Variants in ZEB1 observed in about 807,000 individuals in gnomAD.
The protein encoded by ZEB1 is zinc finger E-box binding homeobox 1, also known as zinc finger E-box-binding homeobox 1.
ZEB1 carries 21 observed loss-of-function variants against 84.9 expected under a neutral mutation model. The observed-to-expected ratio is 0.25, with a 90% CI of 0.18 to 0.36. The LOEUF (loss-of-function observed/expected upper bound fraction) is 0.36, where lower values mean the gene tolerates loss of function less well. ZEB1 is among the 10% of genes least tolerant of loss of function. ZEB1 has a pLI of 1.00. For missense variants in ZEB1, 1,104 were observed against 1,330.2 expected (o/e 0.83, Z 2.65); for synonymous variants, 420 against 471.1 (o/e 0.89, Z 1.41).
intron 1 of ZEB1, among the ~76,000 whole-genome samples, chr10:31,400,126 C>G (rs1023086991): frequency 9.2e-5 from 14 of 152,110 alleles, no homozygotes; most frequent in Non-Finnish European, 1.6e-4. Flanking sequence ...ATCTACCATC[C>G]CATATATTTT....
intron 1 of ZEB1, among the ~76,000 whole-genome samples, chr10:31,417,624 A>G (rs2055441835): frequency 6.6e-6 from 1 of 152,160 alleles, no homozygotes; most frequent in East Asian, 1.9e-4. Flanking sequence ...AATGCTGGTT[A>G]ATAGAAGTTT....
chr10:31,422,619 A>T (rs2056355200), intron 1 of ZEB1, among the ~76,000 whole-genome samples: 1 of 152,162 alleles, frequency 6.6e-6, no homozygotes, highest in Non-Finnish European at 1.5e-5. Flanking sequence ...TAGCTTTCAT[A>T]TCAGAAATGT....
intron 1 of ZEB1, among the ~76,000 whole-genome samples, chr10:31,376,097 G>T (rs1175136787): frequency 6.6e-6 from 1 of 151,716 alleles, no homozygotes; most frequent in Non-Finnish European, 1.5e-5. Flanking sequence ...TTAACAGATA[G>T]AATAGCAAAT....
intron 1 of ZEB1, among the ~76,000 whole-genome samples, chr10:31,409,203 T>C (rs1353046661): frequency 9.9e-5 from 15 of 152,096 alleles, no homozygotes; most frequent in East Asian, 5.8e-4. Context: ...GAGATACCAT[T>C]TCACACCAGT....
intron 3 of ZEB1, among the ~76,000 whole-genome samples, chr10:31,498,252 A>G (rs976161647): frequency 2.6e-5 from 4 of 152,066 alleles, no homozygotes; most frequent in Non-Finnish European, 4.4e-5. Flanking sequence ...TCAGTTTGAA[A>G]TTGGGCCTGG....
chr10:31,420,073 A>G (rs896704530), intron 1 of ZEB1, among the ~76,000 whole-genome samples: 2 of 152,072 alleles, frequency 1.3e-5, no homozygotes, highest in African/African-American at 4.8e-5. Context: ...TTCTACTTCG[A>G]TGACCTTTGC....
chr10:31,348,863 A>T lies in ZEB1; in HGVS notation c.58+29571A>T, dbSNP rs2040806477. On this transcript the variant is annotated intron_variant, in intron 1 of 8. Transcript: ENST00000424869. ...TTATGGTGTACAACTTTATTTTTTGATATATGTACACATTGTGGAATGGCT... is the reference window on the plus strand; with the variant it reads ...TTATGGTGTACAACTTTATTTTTTGTTATATGTACACATTGTGGAATGGCT... Among the ~76,000 whole-genome samples, 3 of 152,166 alleles carry T rather than the reference A, an allele frequency of 2.0e-5. No homozygotes were observed. The South Asian group carries it at 6.2e-4, about 31-fold the overall frequency.
chr10:31,513,341 A>G (rs1355951007), intron 5 of ZEB1, among the ~76,000 whole-genome samples: 1 of 152,182 alleles, frequency 6.6e-6, no homozygotes, highest in African/African-American at 2.4e-5. Context: ...ATTCACAGAG[A>G]TAGGAAATAC....
intron 2 of ZEB1, among the ~76,000 whole-genome samples, chr10:31,478,391 T>C (rs1214982989): frequency 2.0e-5 from 3 of 152,004 alleles, no homozygotes; most frequent in Non-Finnish European, 4.4e-5. Flanking sequence ...GGTATTCTTA[T>C]ACACTGTTGG....
At chr10:31,510,246 T>C (rs1403628668) in intron 4 of ZEB1, among the ~76,000 whole-genome samples, 1 of 152,214 alleles carries the variant, frequency 6.6e-6, no homozygotes, top group Admixed American at 6.5e-5. Flanking sequence ...AAATAAATAA[T>C]GATACATACC....
chr10:31,339,959 T>C (rs1439990629), intron 1 of ZEB1, among the ~76,000 whole-genome samples: 2 of 152,102 alleles, frequency 1.3e-5, no homozygotes, highest in African/African-American at 2.4e-5. Context: ...TTTTATGTTA[T>C]TTTAGATAAA....
chr10:31,425,619 C>G (rs2056828171), intron 1 of ZEB1, among the ~76,000 whole-genome samples: 1 of 152,134 alleles, frequency 6.6e-6, no homozygotes, highest in Non-Finnish European at 1.5e-5. Flanking sequence ...TAATTCATCA[C>G]TGGACCCATT....
chr10:31,520,911 G>T lies in ZEB1; in HGVS notation c.1579G>T (p.Val527Leu), dbSNP rs764794801. The T allele has an allele frequency of 2.5e-6, 4 of 1,614,112 alleles. No individual in the cohort carries two copies. Among genetic ancestry groups the T allele is most frequent in the Admixed American group, 1.7e-5 (1 of 59,992 alleles). The change falls in exon 7 of 9, where the codon GTG (valine) becomes TTG (leucine). Residue 527 changes from valine (V) to leucine (L), a missense_variant. Transcript: ENST00000424869. The surrounding 1 kb of genome is among the most constrained non-coding windows in gnomAD (Gnocchi z 5.1). ...SEKDKSFEGG[V>L]NDSTCLLCDD... Reference sequence around the variant, plus strand: ...GAAGGACAAAAGCTTTGAAGGGGGGGTGAATGATAGCACTTGTCTTCTGTG... The same window carrying T: ...GAAGGACAAAAGCTTTGAAGGGGGGTTGAATGATAGCACTTGTCTTCTGTG...
intron 1 of ZEB1, among the ~76,000 whole-genome samples, chr10:31,409,044 T>C (rs949294137): frequency 1.3e-4 from 20 of 151,902 alleles, no homozygotes; most frequent in African/African-American, 4.8e-4. Flanking sequence ...CAAATAAATT[T>C]ACAAGAAAAA....
At chr10:31,340,534 C>G (rs778557439) in intron 1 of ZEB1, among the ~76,000 whole-genome samples, 4 of 152,056 alleles carry the variant, frequency 2.6e-5, no homozygotes, top group Non-Finnish European at 5.9e-5. Flanking sequence ...TACTTGATGA[C>G]TTGGTATTGG....
chr10:31,458,193 C>T (rs1417353120), intron 1 of ZEB1, among the ~76,000 whole-genome samples: 2 of 152,052 alleles, frequency 1.3e-5, no homozygotes, highest in East Asian at 3.9e-4. Context: ...CTAATTTTAG[C>T]TTGTCATATA....
intron 4 of ZEB1, among the ~76,000 whole-genome samples, chr10:31,510,293 TC>T (rs1202736081): frequency 6.6e-6 from 1 of 152,160 alleles, no homozygotes; most frequent in Non-Finnish European, 1.5e-5. Flanking sequence ...AGCACAAAAT[TC>T]CCCTTTAATC....
intron 1 of ZEB1, among the ~76,000 whole-genome samples, chr10:31,342,161 G>T (rs2039500669): frequency 6.6e-6 from 1 of 152,150 alleles, no homozygotes; most frequent in South Asian, 2.1e-4. Flanking sequence ...GCTATTCTCA[G>T]TGCCTGACAT....
At chr10:31,491,562 A>T (rs2066530562) in intron 2 of ZEB1, among the ~76,000 whole-genome samples, 1 of 151,818 alleles carries the variant, frequency 6.6e-6, no homozygotes, top group Non-Finnish European at 1.5e-5. Flanking sequence ...GGTACCTTTT[A>T]AAAAAAGAAG....
Sources: gnomAD v4.1 joint callset for allele counts (sites outside exome capture counted in the v4.1 genomes callset) on GRCh38, gnomAD v4.1.1 for gene constraint, Gnocchi (gnomAD v3.1) non-coding constraint, MANE v1.5 for transcripts, NCBI Gene and HGNC (gene_info 2026-07-23, HGNC 2026-07-21) for gene names.